Variants in TIGD5 observed in about 807,000 individuals in gnomAD.
TIGD5 encodes tigger transposable element derived 5.
A neutral mutation model predicts 28.8 loss-of-function variants in TIGD5; 24 were observed. The ratio of observed to expected loss-of-function variants is 0.83; its 90% CI spans 0.60 to 1.17. The LOEUF (loss-of-function observed/expected upper bound fraction) is 1.17. Among genes scored for constraint, TIGD5 ranks in the 50% most tolerant of loss-of-function variants. The probability of loss-of-function intolerance (pLI) is 0.00; values close to 1 mark genes in which losing one functional copy is unlikely to be tolerated. For missense variants in TIGD5, 922 were observed against 911.4 expected, an observed-to-expected ratio of 1.01 and a Z score of -0.15; for synonymous variants, 538 against 430.5, an observed-to-expected ratio of 1.25 and a Z score of -3.09.
In TIGD5 at chr8:143,598,444, A is replaced by G; in HGVS notation, c.541A>G (p.Ile181Val). 1 of 1,487,320 alleles carries G rather than the reference A, an allele frequency of 6.7e-7. No homozygotes were observed. Among genetic ancestry groups the G allele is most frequent in the Non-Finnish European group, 8.9e-7 (1 of 1,122,124 alleles). The allele number at this position is 1,487,320 out of a possible 1,614,324, so 92.1% of individuals were successfully genotyped here. The change falls in exon 1 of 1, where the codon ATC becomes GTC. Residue 181 changes from isoleucine to valine, a missense_variant. Ile to Val is a conservative substitution (Grantham distance 29, BLOSUM62 3). Around this residue, in one of 3 missense-constraint regions of TIGD5, gnomAD observed 821 missense variants for 815.2 expected, o/e 1.01. Coordinates refer to ENST00000504548, the MANE Select transcript of TIGD5 (RefSeq NM_032862.5). The surrounding 1 kb of genome is among the most constrained non-coding windows in gnomAD (Gnocchi z 6.6). ...CTGGCGCTGGCAGAAGCGCCACGGC[A>G]TCTCCAGCCAGCGCTTCTACGGCGA... ...WFWRWQKRHG[I>V]SSQRFYGEAG...
At position 143,598,032 on chromosome 8, in the gene TIGD5, GC is replaced by G; in HGVS notation, c.133del (p.Arg45AlafsTer4). ...CGCCGCCCCCCGCGCCCGGGCCGCG[GC>G]CCCGCGTGGCCGTGAAGATGGCCTT... is the stretch of plus-strand genomic sequence containing the variant. ...RPPPPAPGPR[P>X]RVAVKMAFRK... On this transcript the variant is annotated frameshift_variant, in exon 1 of 1. Transcript: ENST00000504548. LOFTEE classifies it high-confidence loss of function. The surrounding 1 kb of genome is among the most constrained non-coding windows in gnomAD (Gnocchi z 6.6). 1 of 1,312,220 alleles carries G rather than the reference GC, an allele frequency of 7.6e-7. No homozygotes were observed. The highest frequency in any genetic ancestry group is 2.0e-5 in the South Asian group (1 of 49,208). The allele number at this position is 1,312,220 out of a possible 1,614,324, so 81.3% of individuals were successfully genotyped here. A position where few individuals can be genotyped will look rare whatever the true frequency, so the allele number is the denominator to read the frequency against.
Position 143,599,938 on chromosome 8 carries a change from T to A in TIGD5, c.*106T>A. On this transcript the variant is annotated 3_prime_UTR_variant, in exon 1 of 1. Transcript: ENST00000504548. Reference sequence around the variant, plus strand: ...CCCCTGGGGTGGCCCACCGCATGGGTACAGGGGGTTCCAGGAATCCAAATC... The same window carrying A: ...CCCCTGGGGTGGCCCACCGCATGGGAACAGGGGGTTCCAGGAATCCAAATC... 8.0e-7 allele frequency: 1 copy of A among 1,247,862 alleles called. No individual in the cohort carries two copies. 77.3% of individuals were successfully genotyped at this position (1,247,862 alleles called of 1,614,324 possible).
rs1829235203 is a variant in TIGD5 at position 143,600,039 on chromosome 8, G to A, written c.*207G>A. ...GCACCCTGGGGGCACAGCTGGAAGA[G>A]AGGCCTGGCCCATGCTCCTCTCAGG... is the stretch of plus-strand genomic sequence containing the variant. On this transcript the variant is annotated 3_prime_UTR_variant, in exon 1 of 1. Coordinates refer to ENST00000504548, the MANE Select transcript of TIGD5 (RefSeq NM_032862.5). 2.1e-6 allele frequency: 1 copy of A among 481,354 alleles called. No individual in the cohort carries two copies. The highest frequency in any genetic ancestry group is 3.5e-6 in the Non-Finnish European group (1 of 289,338). 29.8% of individuals were successfully genotyped at this position (481,354 alleles called of 1,614,324 possible). A position where few individuals can be genotyped will look rare whatever the true frequency, so the allele number is the denominator to read the frequency against.
At position 143,599,867 on chromosome 8, in the gene TIGD5, T is replaced by C; in HGVS notation, c.*35T>C. On this transcript the variant is annotated 3_prime_UTR_variant, in exon 1 of 1. Coordinates refer to ENST00000504548, the MANE Select transcript of TIGD5 (RefSeq NM_032862.5). The stretch of plus-strand genomic sequence containing the variant: ...CCCAGTGACCTTTCTCCTGCTGCAC[T>C]TGGAGGGAGGGGACATACACACAGT... 1.4e-6 allele frequency: 2 copies of C among 1,442,330 alleles called. No individual in the cohort carries two copies. The highest frequency in any genetic ancestry group is 1.6e-5 in the South Asian group (1 of 63,002). The allele number at this position is 1,442,330 out of a possible 1,614,324, so 89.3% of individuals were successfully genotyped here. A position where few individuals can be genotyped will look rare whatever the true frequency, so the allele number is the denominator to read the frequency against.
rs1354884360 is a variant in TIGD5 at position 143,598,298 on chromosome 8, T to A, written c.395T>A (p.Phe132Tyr). 1 of 1,609,418 alleles carries A rather than the reference T, an allele frequency of 6.2e-7. No homozygotes were observed. Among genetic ancestry groups the A allele is most frequent in the South Asian group, 1.1e-5 (1 of 90,860 alleles). The part of the protein sequence containing the change: ...EEIDRAVYAW[F>Y]LALRQHGVPL... Reference sequence around the variant, plus strand: ...ATCGACCGCGCCGTGTACGCCTGGTTCCTGGCGCTGCGCCAGCACGGGGTG... The same window carrying A: ...ATCGACCGCGCCGTGTACGCCTGGTACCTGGCGCTGCGCCAGCACGGGGTG... Residue 132 changes from phenylalanine (F) to tyrosine (Y), a missense_variant, in exon 1 of 1, where the codon TTC becomes TAC. This residue lies in a region of TIGD5 where 821 missense variants were observed against 815.2 expected (regional missense o/e 1.01). Coordinates refer to ENST00000504548, the MANE Select transcript of TIGD5 (RefSeq NM_032862.5). The surrounding 1 kb of genome is among the most constrained non-coding windows in gnomAD (Gnocchi z 6.6).
Position 143,599,805 on chromosome 8 carries a change from C to T in TIGD5, c.1902C>T (p.Thr634=), listed in dbSNP as rs750234642. The change falls in exon 1 of 1, where the codon ACC becomes ACT. Residue 634 remains threonine, a synonymous_variant. Transcript: ENST00000504548. The part of the protein sequence containing the change: ...MARRLGGIGH[T]PAGPYDGV ...GGAGGCTGGGGGGCATCGGGCATAC[C>T]CCAGCAGGCCCCTATGACGGTGTGT... is the stretch of plus-strand genomic sequence containing the variant. 6.7e-7 allele frequency: 1 copy of T among 1,483,288 alleles called. No homozygotes were observed. Among genetic ancestry groups the T allele is most frequent in the East Asian group, 2.4e-5 (1 of 41,768 alleles). 91.9% of individuals were successfully genotyped at this position (1,483,288 alleles called of 1,614,324 possible). A position where few individuals can be genotyped will look rare whatever the true frequency, so the allele number is the denominator to read the frequency against.
Position 143,598,364 on chromosome 8 carries a change from T to G in TIGD5, c.461T>G (p.Phe154Cys). 1 of 1,587,078 alleles carries G rather than the reference T, an allele frequency of 6.3e-7. No homozygotes were observed. Among genetic ancestry groups the G allele is most frequent in the South Asian group, 1.1e-5 (1 of 88,664 alleles). Residue 154 changes from phenylalanine (F) to cysteine (C), a missense_variant, in exon 1 of 1, where the codon TTC becomes TGC. By Grantham distance (205) the Phe-to-Cys change is radical (BLOSUM62 -2). Around this residue, in one of 3 missense-constraint regions of TIGD5, gnomAD observed 821 missense variants for 815.2 expected, o/e 1.01. Transcript: ENST00000504548. The surrounding 1 kb of genome is among the most constrained non-coding windows in gnomAD (Gnocchi z 6.6). ...CTCATCCAGGCGCAGGCCGAGGCCT[T>G]CGCGCGCCAGATCTACGGGCCCGAG... The part of the protein sequence containing the change: ...GPLIQAQAEA[F>C]ARQIYGPECT...
rs1829113869 is a variant in TIGD5 at position 143,597,935 on chromosome 8, T to G, written c.32T>G (p.Val11Gly). 2.4e-6 allele frequency: 2 copies of G among 849,360 alleles called. No homozygotes were observed. Among genetic ancestry groups the G allele is most frequent in the Non-Finnish European group, 2.8e-6 (2 of 711,540 alleles). 52.6% of individuals were successfully genotyped at this position (849,360 alleles called of 1,614,324 possible). The stretch of plus-strand genomic sequence containing the variant: ...CCCGCGGGCCCCCCGGCCGGCCCGG[T>G]ACCGCGCCGCGGCCGCCGTCCCCTG... MYPAGPPAGP[V>G]PRRGRRPLPG... Residue 11 changes from valine (V) to glycine (G), a missense_variant, in exon 1 of 1, where the codon GTA (valine) becomes GGA (glycine). Val to Gly is a moderately radical substitution (Grantham distance 109). Around this residue, in one of 3 missense-constraint regions of TIGD5, gnomAD observed 87 missense variants for 60.9 expected, o/e 1.43. Coordinates refer to ENST00000504548, the MANE Select transcript of TIGD5 (RefSeq NM_032862.5).
chr8:143,601,237 A>G lies in TIGD5; in HGVS notation c.*1405A>G, dbSNP rs982005468. On this transcript the variant is annotated 3_prime_UTR_variant, in exon 1 of 1. Coordinates refer to ENST00000504548, the MANE Select transcript of TIGD5 (RefSeq NM_032862.5). ...GAAATATATACATATATATGTATAT[A>G]TCTATATCTCAAAATCTGAGAGCTC... The G allele has an allele frequency of 2.0e-5, 3 of 152,014 alleles. No homozygotes were observed. Among genetic ancestry groups the G allele is most frequent in the African/African-American group, 7.2e-5 (3 of 41,432 alleles). 9.4% of individuals were successfully genotyped at this position (152,014 alleles called of 1,614,324 possible). A position where few individuals can be genotyped will look rare whatever the true frequency, so the allele number is the denominator to read the frequency against.
Position 143,598,537 on chromosome 8 carries a change from G to T in TIGD5, c.634G>T (p.Gly212Cys), listed in dbSNP as rs1339186496. ...PVKEEPALPS[G>C]AGPLPDRAPA... ...CAAGGAGGAGCCCGCGCTGCCCTCC[G>T]GCGCCGGCCCCCTGCCCGACCGCGC... The change falls in exon 1 of 1, where the codon GGC becomes TGC. Residue 212 changes from glycine (G) to cysteine (C), a missense_variant. Gly to Cys is a radical substitution (Grantham distance 159). Around this residue, in one of 3 missense-constraint regions of TIGD5, gnomAD observed 821 missense variants for 815.2 expected, o/e 1.01. Transcript: ENST00000504548. This position sits in a 1 kb window ranked among gnomAD's most constrained non-coding sequence, Gnocchi z 6.6. 3 of 1,307,114 alleles carry T rather than the reference G, an allele frequency of 2.3e-6. No individual in the cohort carries two copies. Among genetic ancestry groups the T allele is most frequent in the Non-Finnish European group, 2.9e-6 (3 of 1,033,642 alleles). 81.0% of individuals were successfully genotyped at this position (1,307,114 alleles called of 1,614,324 possible). A position where few individuals can be genotyped will look rare whatever the true frequency, so the allele number is the denominator to read the frequency against.
Position 143,599,965 on chromosome 8 carries a change from A to G in TIGD5, c.*133A>G. 1 of 1,064,460 alleles carries G rather than the reference A, an allele frequency of 9.4e-7. No individual in the cohort carries two copies. Among genetic ancestry groups the G allele is most frequent in the Non-Finnish European group, 1.2e-6 (1 of 810,942 alleles). 65.9% of individuals were successfully genotyped at this position (1,064,460 alleles called of 1,614,324 possible). ...CAGGGGGTTCCAGGAATCCAAATCCAGCATGGCTTGGAGGAGCTCTGTTGG... is the reference window on the plus strand; with the variant it reads ...CAGGGGGTTCCAGGAATCCAAATCCGGCATGGCTTGGAGGAGCTCTGTTGG... On this transcript the variant is annotated 3_prime_UTR_variant, in exon 1 of 1. Coordinates refer to ENST00000504548, the MANE Select transcript of TIGD5 (RefSeq NM_032862.5).
chr8:143,598,012 C>A lies in TIGD5; in HGVS notation c.109C>A (p.Pro37Thr). The A allele has an allele frequency of 7.8e-7, 1 of 1,284,488 alleles. No homozygotes were observed. The highest frequency in any genetic ancestry group is 9.8e-7 in the Non-Finnish European group (1 of 1,015,762). The allele number at this position is 1,284,488 out of a possible 1,614,324, so 79.6% of individuals were successfully genotyped here. A position where few individuals can be genotyped will look rare whatever the true frequency, so the allele number is the denominator to read the frequency against. ...PAPVPAARPPPPAPGPRPRVA... is the reference protein window; with the variant it reads ...PAPVPAARPPTPAPGPRPRVA... Reference sequence around the variant, plus strand: ...CCCCGTCCCCGCTGCACGGCCGCCGCCCCCCGCGCCCGGGCCGCGGCCCCG... The same window carrying A: ...CCCCGTCCCCGCTGCACGGCCGCCGACCCCCGCGCCCGGGCCGCGGCCCCG... The change falls in exon 1 of 1, where the codon CCC (proline) becomes ACC (threonine). Residue 37 changes from proline to threonine, a missense_variant. This residue lies in a region of TIGD5 where 87 missense variants were observed against 60.9 expected (regional missense o/e 1.43). Coordinates refer to ENST00000504548, the MANE Select transcript of TIGD5 (RefSeq NM_032862.5). The surrounding 1 kb of genome is among the most constrained non-coding windows in gnomAD (Gnocchi z 6.6).
At position 143,598,823 on chromosome 8, in the gene TIGD5, A is replaced by C. The variant is rs1193994967; in HGVS notation, c.920A>C (p.Asn307Thr). ...GACCCGCCCAGCCTGCGCCACCACA[A>C]CCAGGACAAGTTCCCGGCCTCCTAC... ...LPDPPSLRHH[N>T]QDKFPASYRY... is the part of the protein sequence containing the mutation. Residue 307 changes from asparagine (N) to threonine (T), a missense_variant, in exon 1 of 1, where the codon AAC becomes ACC. Asn to Thr is a moderately conservative substitution (Grantham distance 65). Transcript: ENST00000504548. This position sits in a 1 kb window ranked among gnomAD's most constrained non-coding sequence, Gnocchi z 6.6. 6.2e-7 allele frequency: 1 copy of C among 1,601,034 alleles called. No homozygotes were observed. The highest frequency in any genetic ancestry group is 1.3e-5 in the African/African-American group (1 of 74,896).
At position 143,598,327 on chromosome 8, in the gene TIGD5, C is replaced by T. The variant is rs538695245; in HGVS notation, c.424C>T (p.Leu142=). 3.9e-5 allele frequency: 63 copies of T among 1,606,642 alleles called. No homozygotes were observed. In the Admixed American group the frequency reaches 1.0e-3, roughly 26 times the overall value. ...FLALRQHGVP[L]SGPLIQAQAE... is the part of the protein sequence containing the mutation. ...GGCGCTGCGCCAGCACGGGGTGCCG[C>T]TGTCTGGCCCGCTCATCCAGGCGCA... Residue 142 remains leucine (L), a synonymous_variant, in exon 1 of 1, where the codon CTG becomes TTG. Coordinates refer to ENST00000504548, the MANE Select transcript of TIGD5 (RefSeq NM_032862.5). This position sits in a 1 kb window ranked among gnomAD's most constrained non-coding sequence, Gnocchi z 6.6.
chr8:143,602,280 GC>G lies in TIGD5; in HGVS notation c.*2452del, dbSNP rs1829279562. 6.6e-6 allele frequency: 1 copy of G among 152,238 alleles called. No individual in the cohort carries two copies. Among genetic ancestry groups the G allele is most frequent in the African/African-American group, 2.4e-5 (1 of 41,446 alleles). The allele number at this position is 152,238 out of a possible 1,614,324, so 9.4% of individuals were successfully genotyped here. A position where few individuals can be genotyped will look rare whatever the true frequency, so the allele number is the denominator to read the frequency against. On this transcript the variant is annotated 3_prime_UTR_variant, in exon 1 of 1. Coordinates refer to ENST00000504548, the MANE Select transcript of TIGD5 (RefSeq NM_032862.5). ...TGTGTGACAGAGGCTTGGCCGCTGG[GC>G]CCCGCTGCTGAGAAGGCTGCTCTGC...
chr8:143,598,308 G>C lies in TIGD5; in HGVS notation c.405G>C (p.Leu135=). The change falls in exon 1 of 1, where the codon CTG becomes CTC. Residue 135 remains leucine (L), a synonymous_variant. Coordinates refer to ENST00000504548, the MANE Select transcript of TIGD5 (RefSeq NM_032862.5). This position sits in a 1 kb window ranked among gnomAD's most constrained non-coding sequence, Gnocchi z 6.6. The part of the protein sequence containing the change: ...DRAVYAWFLA[L]RQHGVPLSGP... Reference sequence around the variant, plus strand: ...CCGTGTACGCCTGGTTCCTGGCGCTGCGCCAGCACGGGGTGCCGCTGTCTG... The same window carrying C: ...CCGTGTACGCCTGGTTCCTGGCGCTCCGCCAGCACGGGGTGCCGCTGTCTG... The C allele has an allele frequency of 6.2e-7, 1 of 1,609,070 alleles. No homozygotes were observed. Among genetic ancestry groups the C allele is most frequent in the Non-Finnish European group, 8.5e-7 (1 of 1,178,570 alleles).
At position 143,599,135 on chromosome 8, in the gene TIGD5, C is replaced by T. The variant is rs772329418; in HGVS notation, c.1232C>T (p.Ala411Val). The change falls in exon 1 of 1, where the codon GCA (alanine) becomes GTA (valine). Residue 411 changes from alanine (A) to valine (V), a missense_variant. By Grantham distance (64) the Ala-to-Val change is moderately conservative (BLOSUM62 0). This residue lies in a region of TIGD5 where 821 missense variants were observed against 815.2 expected (regional missense o/e 1.01). Transcript: ENST00000504548. Reference sequence around the variant, plus strand: ...TTCCTGTCCAAAGGCAGCAGCCGGGCACATATCCCCGCACCGCTGGAGCAG... The same window carrying T: ...TTCCTGTCCAAAGGCAGCAGCCGGGTACATATCCCCGCACCGCTGGAGCAG... ...VLFLSKGSSRAHIPAPLEQGV... is the reference protein window; with the variant it reads ...VLFLSKGSSRVHIPAPLEQGV... The T allele has an allele frequency of 1.3e-6, 2 of 1,596,368 alleles. No individual in the cohort carries two copies. The highest frequency in any genetic ancestry group is 1.7e-6 in the Non-Finnish European group (2 of 1,172,618).
Position 143,598,660 on chromosome 8 carries a change from G to C in TIGD5, c.757G>C (p.Ala253Pro). 1 of 1,500,722 alleles carries C rather than the reference G, an allele frequency of 6.7e-7. No individual in the cohort carries two copies. Among genetic ancestry groups the C allele is most frequent in the Non-Finnish European group, 8.8e-7 (1 of 1,135,838 alleles). The allele number at this position is 1,500,722 out of a possible 1,614,324, so 93.0% of individuals were successfully genotyped here. A position where few individuals can be genotyped will look rare whatever the true frequency, so the allele number is the denominator to read the frequency against. The stretch of plus-strand genomic sequence containing the variant: ...CTACTGGAAGCTGCTTCCGGAGCAG[G>C]CTGCGCCCCCGGGCGCAGGGGACCC... ...GLYWKLLPEQ[A>P]APPGAGDPGA... Residue 253 changes from alanine (A) to proline (P), a missense_variant, in exon 1 of 1, where the codon GCT becomes CCT. Around this residue, in one of 3 missense-constraint regions of TIGD5, gnomAD observed 821 missense variants for 815.2 expected, o/e 1.01. Transcript: ENST00000504548. The surrounding 1 kb of genome is among the most constrained non-coding windows in gnomAD (Gnocchi z 6.6).
Position 143,602,494 on chromosome 8 carries a change from A to G in TIGD5, c.*2662A>G, listed in dbSNP as rs1829283009. 1 of 152,264 alleles carries G rather than the reference A, an allele frequency of 6.6e-6. No homozygotes were observed. Among genetic ancestry groups the G allele is most frequent in the Admixed American group, 6.5e-5 (1 of 15,282 alleles). The allele number at this position is 152,264 out of a possible 1,614,324, so 9.4% of individuals were successfully genotyped here. A position where few individuals can be genotyped will look rare whatever the true frequency, so the allele number is the denominator to read the frequency against. ...CCCAGGGGTGGCAGAACCCTTTGGG[A>G]GGCCAAGTGTTCTTTCCCAAAGCTG... is the stretch of plus-strand genomic sequence containing the variant. On this transcript the variant is annotated 3_prime_UTR_variant, in exon 1 of 1. Coordinates refer to ENST00000504548, the MANE Select transcript of TIGD5 (RefSeq NM_032862.5).
Sources: gnomAD v4.1 joint callset for allele counts on GRCh38, gnomAD v4.1.1 for gene constraint, gnomAD v4.1.1 regional missense constraint, Gnocchi (gnomAD v3.1) non-coding constraint, MANE v1.5 for transcripts, NCBI Gene and HGNC (gene_info 2026-07-23, HGNC 2026-07-21) for gene names.